Variants in TMTC1 observed in about 807,000 individuals in gnomAD.
TMTC1 encodes protein O-mannosyl-transferase TMTC1.
A neutral mutation model predicts 104.8 loss-of-function variants in TMTC1; 73 were observed. The observed-to-expected ratio is 0.70, with a 90% CI of 0.58 to 0.85. The LOEUF is 0.85. Among genes scored for constraint, TMTC1 ranks in the 40% least tolerant of loss-of-function variants. The pLI is 0.00. For synonymous variants in TMTC1, 434 were observed against 428.7 expected, an observed-to-expected ratio of 1.01 and a Z score of -0.15; for missense variants, 1,035 against 1,096.1, an observed-to-expected ratio of 0.94 and a Z score of 0.79.
intron 7 of TMTC1, among the ~76,000 whole-genome samples, chr12:29,596,361 A>G (rs1329794599): frequency 6.6e-6 from 1 of 152,088 alleles, no homozygotes; most frequent in African/African-American, 2.4e-5. Context: ...ATTCCCTTCC[A>G]ATGGTATCAT....
At chr12:29,522,836 C>A (rs1013183070) in intron 11 of TMTC1, among the ~76,000 whole-genome samples, 3 of 152,136 alleles carry the variant, frequency 2.0e-5, no homozygotes, top group Non-Finnish European at 4.4e-5. Flanking sequence ...AAATCAGGGA[C>A]AACAATCATA....
intron 5 of TMTC1, among the ~76,000 whole-genome samples, chr12:29,646,406 A>G (rs1939269891): frequency 6.6e-6 from 1 of 152,102 alleles, no homozygotes; most frequent in African/African-American, 2.4e-5. Context: ...AGAAAATAAA[A>G]GAAGTGTTCC....
intron 5 of TMTC1, among the ~76,000 whole-genome samples, chr12:29,635,210 G>T (rs11050332): frequency 6.6e-6 from 1 of 151,338 alleles, no homozygotes; most frequent in Admixed American, 6.6e-5. Flanking sequence ...AAAAAATGCC[G>T]TTTATCTTTC....
intron 5 of TMTC1, among the ~76,000 whole-genome samples, chr12:29,652,773 A>G (rs552882371): frequency 6.6e-6 from 1 of 152,230 alleles, no homozygotes; most frequent in Non-Finnish European, 1.5e-5. Context: ...GATGGAATAA[A>G]TATCTTCGCT....
At chr12:29,542,197 A>G (rs556801715) in intron 10 of TMTC1, among the ~76,000 whole-genome samples, 2 of 152,274 alleles carry the variant, frequency 1.3e-5, no homozygotes, top group East Asian at 3.9e-4. Context: ...ATCCTGTCCA[A>G]TCAGGCACAG....
chr12:29,560,766 T>C (rs1225811352), intron 9 of TMTC1, among the ~76,000 whole-genome samples: 1 of 152,150 alleles, frequency 6.6e-6, no homozygotes, highest in African/African-American at 2.4e-5. Context: ...GACATTTCCT[T>C]AAGTAGAATT....
chr12:29,625,516 G>A (rs146252661), intron 6 of TMTC1, among the ~76,000 whole-genome samples: 9 of 152,290 alleles, frequency 5.9e-5, no homozygotes, highest in East Asian at 5.8e-4. Context: ...CTAGTTAAAC[G>A]GTTGCAAAGA....
intron 13 of TMTC1, 112 bp from the exon 14 acceptor site, chr12:29,517,683 G>A (rs1246701705): frequency 2.1e-5 from 26 of 1,248,602 alleles, no homozygotes; most frequent in Non-Finnish European, 2.5e-5. Flanking sequence ...GCTCCAATAC[G>A]GTCTTTGTTT....
intron 5 of TMTC1, chr12:29,660,657 G>A (rs1939975065): frequency 1.5e-5 from 4 of 266,922 alleles, no homozygotes; most frequent in Non-Finnish European, 2.0e-5. Flanking sequence ...ATTACGGCAT[G>A]CCAACTGTTT....
Position 29,700,395 on chromosome 12 carries a change from G to A in TMTC1, c.938+51271C>T, listed in dbSNP as rs150608538. On this transcript the variant is annotated intron_variant, in intron 5 of 17. Transcript: ENST00000539277. ...TCTTTTAATATTTTGTAGAGATAGA[G>A]TCTCACTTTGTTGTCCAGGCGGGTC... Among the ~76,000 whole-genome samples the A allele has an allele frequency of 2.8e-3, 432 of 151,958 alleles. 4 individuals are homozygous for A. Among genetic ancestry groups the A allele is most frequent in the African/African-American group, 0.01 (416 of 41,438 alleles).
At chr12:29,650,993 A>C (rs569698624) in intron 5 of TMTC1, among the ~76,000 whole-genome samples, 1 of 152,298 alleles carries the variant, frequency 6.6e-6, no homozygotes, top group African/African-American at 2.4e-5. Flanking sequence ...TCAGACACAA[A>C]ACTATGTATT....
At chr12:29,740,238 T>C (rs1038639279) in intron 5 of TMTC1, among the ~76,000 whole-genome samples, 2 of 152,182 alleles carry the variant, frequency 1.3e-5, no homozygotes, top group African/African-American at 4.8e-5. Context: ...GAGTGTCAAC[T>C]TGATTGGATT....
chr12:29,722,798 A>G (rs1942272105), intron 5 of TMTC1, among the ~76,000 whole-genome samples: 1 of 151,722 alleles, frequency 6.6e-6, no homozygotes, highest in African/African-American at 2.4e-5. Flanking sequence ...GCACGCGCCT[A>G]TAGTCCCAGC....
chr12:29,594,025 G>C (rs549882625), intron 7 of TMTC1, among the ~76,000 whole-genome samples: 2 of 152,288 alleles, frequency 1.3e-5, no homozygotes, highest in Admixed American at 1.3e-4. Context: ...TTTATCACCG[G>C]AACTGTCCAT....
chr12:29,724,995 G>C (rs533465454), intron 5 of TMTC1, among the ~76,000 whole-genome samples: 144 of 143,108 alleles, frequency 1.0e-3, no homozygotes, highest in African/African-American at 3.5e-3. Flanking sequence ...GCGTAGTTTA[G>C]CTATATATCT....
chr12:29,647,649 T>G (rs2136583430), intron 5 of TMTC1, among the ~76,000 whole-genome samples: 1 of 152,284 alleles, frequency 6.6e-6, no homozygotes, highest in Middle Eastern at 3.4e-3. Flanking sequence ...TCTTGCTATT[T>G]CCTATCTTGA....
chr12:29,669,949 C>T (rs1047847414), intron 5 of TMTC1, among the ~76,000 whole-genome samples: 3 of 152,164 alleles, frequency 2.0e-5, no homozygotes, highest in African/African-American at 4.8e-5. Context: ...GATTGAGTCT[C>T]CTGATGGCCA....
chr12:29,521,011 A>G (rs1005065913), intron 11 of TMTC1: 1 of 220,022 alleles, frequency 4.5e-6, no homozygotes, highest in African/African-American at 2.3e-5. Flanking sequence ...ATGCACGCCT[A>G]CCGGGGAAAA....
chr12:29,597,339 T>C (rs1946437848), intron 7 of TMTC1, among the ~76,000 whole-genome samples: 1 of 150,280 alleles, frequency 6.7e-6, no homozygotes, highest in Non-Finnish European at 1.5e-5. Context: ...CCTCCCAAAA[T>C]GCTAAGATGA....
Sources: gnomAD v4.1 joint callset for allele counts (sites outside exome capture counted in the v4.1 genomes callset) on GRCh38, gnomAD v4.1.1 for gene constraint, MANE v1.5 for transcripts, NCBI Gene and HGNC (gene_info 2026-07-23, HGNC 2026-07-21) for gene names.